Variants in DOCK7 observed in about 807,000 individuals in gnomAD.
DOCK7 encodes the protein dedicator of cytokinesis 7.
Under a neutral mutation model 271.0 loss-of-function variants are expected in DOCK7, and 138 were observed. That is an observed-to-expected ratio of 0.51 (90% CI 0.44 to 0.59). The LOEUF (loss-of-function observed/expected upper bound fraction) is 0.59. Ranked by LOEUF, DOCK7 falls within the 20% of genes least tolerant of loss-of-function variation. The pLI is 0.00. For missense variants in DOCK7, 2,066 were observed against 2,592.4 expected (o/e 0.80, Z 4.41); for synonymous variants, 823 against 876.1 (o/e 0.94, Z 1.07).
In DOCK7 at chr1:62,538,252, T is replaced by C. The variant is rs1645410904; in HGVS notation, c.3301-191A>G. Among the ~76,000 whole-genome samples the C allele has an allele frequency of 2.6e-5, 4 of 152,240 alleles. No individual in the cohort carries two copies. The South Asian group carries it at 8.3e-4, about 32-fold the overall frequency. On this transcript the variant is annotated intron_variant, in intron 27 of 49. Transcript: ENST00000635253. ...AAAAATTTTAAACTATCAGGTTTAC[T>C]GTATAAACATATTTGACTAACCTAA...
chr1:62,610,621 C>T (rs746699613), intron 14 of DOCK7, among the ~76,000 whole-genome samples: 5 of 152,236 alleles, frequency 3.3e-5, no homozygotes, highest in Middle Eastern at 3.4e-3. Flanking sequence ...CCCCTAGCCC[C>T]ACCCCGACAG....
chr1:62,508,073 T>C lies in DOCK7; in HGVS notation c.4380-15A>G. ...CTGCTCTTGATCTAATACAAAATAT[T>C]GTAAGAAATTATATTTATCTTTTTG... On this transcript the variant is annotated splice_polypyrimidine_tract_variant and intron_variant, in intron 34 of 49. Transcript: ENST00000635253. 6.3e-7 allele frequency: 1 copy of C among 1,577,564 alleles called. No homozygotes were observed. The highest frequency in any genetic ancestry group is 8.6e-7 in the Non-Finnish European group (1 of 1,166,230).
At chr1:62,528,015 G>T in intron 31 of DOCK7, 136 bp downstream of exon 31, 1 of 909,520 alleles carries the variant, frequency 1.1e-6, no homozygotes, top group South Asian at 3.1e-5. Flanking sequence ...TAATATTCTG[G>T]GAACTTTAAT....
Position 62,648,452 on chromosome 1 carries a change from T to A in DOCK7, c.482A>T (p.Asp161Val). The A allele has an allele frequency of 2.6e-6, 4 of 1,551,172 alleles. No individual in the cohort carries two copies. Among genetic ancestry groups the A allele is most frequent in the Non-Finnish European group, 3.5e-6 (4 of 1,146,982 alleles). The change falls in exon 5 of 50, where the codon GAT becomes GTT. Residue 161 changes from aspartate (D) to valine (V), a missense_variant. Physicochemically the swap from Asp to Val is radical, Grantham distance 152 (BLOSUM62 -3). Coordinates refer to ENST00000635253, the MANE Select transcript of DOCK7 (RefSeq NM_001367561.1). The part of the protein sequence containing the change: ...KGLPKQVFES[D>V]EAPDGNSYQD... ...GTAGCTGTTGCCATCTGGAGCTTCA[T>A]CAGATTCAAAAACTTGTTTTGGCAA...
intron 16 of DOCK7, among the ~76,000 whole-genome samples, chr1:62,581,026 G>A (rs184801146): frequency 1.0e-3 from 156 of 152,246 alleles, no homozygotes; most frequent in African/African-American, 3.6e-3. Context: ...ATGGCTGCAA[G>A]AGAGACCATA....
chr1:62,571,285 AC>A (rs1425481083), intron 18 of DOCK7, among the ~76,000 whole-genome samples: 5 of 152,236 alleles, frequency 3.3e-5, no homozygotes, highest in African/African-American at 9.6e-5. Context: ...CATGTGGCCA[AC>A]AAACATACGA....
chr1:62,633,647 GA>G (rs1349370830), intron 9 of DOCK7, 69 bp from the exon 10 acceptor site: 6 of 1,051,436 alleles, frequency 5.7e-6, no homozygotes, highest in Non-Finnish European at 8.7e-6. Flanking sequence ...TTCAATATAC[GA>G]AAATCAATAT....
intron 48 of DOCK7, among the ~76,000 whole-genome samples, chr1:62,461,731 G>T (rs903799554): frequency 7.2e-5 from 7 of 96,636 alleles, no homozygotes; most frequent in Non-Finnish European, 1.2e-4. Flanking sequence ...TAAAATAAAA[G>T]TCAACTGATT....
chr1:62,507,876 A>C, intron 35 of DOCK7, 86 bp downstream of exon 35: 1 of 1,195,784 alleles, frequency 8.4e-7, no homozygotes, highest in Non-Finnish European at 1.2e-6. Context: ...AATAAAATGT[A>C]ATTTTATGGC....
At chr1:62,570,313 GA>G in intron 18 of DOCK7, among the ~76,000 whole-genome samples, 1 of 152,230 alleles carries the variant, frequency 6.6e-6, no homozygotes, top group Middle Eastern at 3.4e-3. Context: ...TTGCTACAAA[GA>G]GAATGAAATA....
chr1:62,641,830 T>C (rs912334380), intron 7 of DOCK7, among the ~76,000 whole-genome samples: 1 of 152,260 alleles, frequency 6.6e-6, no homozygotes, highest in African/African-American at 2.4e-5. Context: ...ACCCTCTGTT[T>C]TGACTTAAAG....
intron 14 of DOCK7, among the ~76,000 whole-genome samples, chr1:62,595,379 C>T (rs1157858304): frequency 6.6e-6 from 1 of 152,068 alleles, no homozygotes; most frequent in Non-Finnish European, 1.5e-5. Flanking sequence ...TTTTATACGA[C>T]CCTATAAAAT....
intron 22 of DOCK7, among the ~76,000 whole-genome samples, chr1:62,550,329 A>G (rs1645854488): frequency 6.6e-6 from 1 of 152,128 alleles, no homozygotes; most frequent in African/African-American, 2.4e-5. Flanking sequence ...TAGGCAGTAG[A>G]TAGTAGATGG....
intron 14 of DOCK7, among the ~76,000 whole-genome samples, chr1:62,611,317 T>C (rs1028334928): frequency 6.6e-6 from 1 of 152,224 alleles, no homozygotes. Context: ...GAGTATCCCT[T>C]ATTCAAAATG....
rs545011691 is a variant in DOCK7 at position 62,687,987 on chromosome 1, C to T, written c.38+240G>A. On this transcript the variant is annotated intron_variant, in intron 1 of 49. Transcript: ENST00000635253. ...GGCGGGCGCGCTGGAGTCCGCGGCC[C>T]TCTCCGCTCCCTGCCGAGGCTCAGC... Among the ~76,000 whole-genome samples, 117 of 152,040 alleles carry T rather than the reference C, an allele frequency of 7.7e-4. 2 individuals are homozygous for T. The highest frequency in any genetic ancestry group is 2.8e-3 in the African/African-American group (115 of 41,502).
At chr1:62,641,096 C>T (rs7539035) in intron 7 of DOCK7, 1 of 228,726 alleles carries the variant, frequency 4.4e-6, no homozygotes, top group South Asian at 5.9e-5. Flanking sequence ...AAGCATGAGG[C>T]GTAAACAGTC....
intron 29 of DOCK7, among the ~76,000 whole-genome samples, chr1:62,531,983 A>G (rs1047513694): frequency 2.6e-5 from 4 of 152,194 alleles, no homozygotes; most frequent in Non-Finnish European, 4.4e-5. Context: ...CAAATTTCAG[A>G]TAAGTGCCTT....
chr1:62,481,073 A>C (rs1417189866), intron 43 of DOCK7, among the ~76,000 whole-genome samples: 1 of 151,232 alleles, frequency 6.6e-6, no homozygotes, highest in Non-Finnish European at 1.5e-5. Flanking sequence ...GGTAGGTTTC[A>C]TCTGAGCAAA....
chr1:62,606,039 T>C (rs552285004), intron 14 of DOCK7: 1 of 152,072 alleles, frequency 6.6e-6, no homozygotes, highest in Non-Finnish European at 1.5e-5. Context: ...TTATCCAATA[T>C]ACATGTCATA....
Sources: allele counts gnomAD v4.1 joint callset (sites outside exome capture counted in the v4.1 genomes callset), GRCh38; gene constraint gnomAD v4.1.1; transcripts MANE v1.5; gene names NCBI Gene and HGNC (gene_info 2026-07-23, HGNC 2026-07-21).